The following HNRNPLL variants were observed in gnomAD, a reference collection of about 807,000 sequenced individuals.
The protein encoded by HNRNPLL is heterogeneous nuclear ribonucleoprotein L like.
Under a neutral mutation model 67.1 loss-of-function variants are expected in HNRNPLL, and 25 were observed. The observed-to-expected ratio is 0.37, with a 90% CI of 0.27 to 0.52. The LOEUF (loss-of-function observed/expected upper bound fraction) is 0.52. HNRNPLL is among the 20% of genes least tolerant of loss of function. The pLI is 0.90. For missense variants in HNRNPLL, 542 were observed against 673.9 expected (o/e 0.80, Z 2.17); for synonymous variants, 267 against 241.7 (o/e 1.10, Z -0.97).
chr2:38,577,282 CATT>C (rs969187619), intron 7 of HNRNPLL, among the ~76,000 whole-genome samples, 176 bp downstream of exon 7: 3 of 151,702 alleles, frequency 2.0e-5, no homozygotes, highest in African/African-American at 7.3e-5. Context: ...TTTTTTAAAT[CATT>C]ATCCTAAGAA....
chr2:38,569,589 G>A (rs1573722172), intron 9 of HNRNPLL, among the ~76,000 whole-genome samples: 2 of 152,026 alleles, frequency 1.3e-5, no homozygotes, highest in East Asian at 3.9e-4. Context: ...ATTTTAACAC[G>A]TTTTATCATC....
In HNRNPLL at chr2:38,569,229, A is replaced by G; in HGVS notation, c.1320T>C (p.Ser440=). 6.2e-7 allele frequency: 1 copy of G among 1,613,010 alleles called. No individual in the cohort carries two copies. The highest frequency in any genetic ancestry group is 8.5e-7 in the Non-Finnish European group (1 of 1,179,028). The stretch of plus-strand genomic sequence containing the variant: ...TTATATTCTTAGATGCTTGGCCAGC[A>G]CTTGTAAAGCGATTATTTTTGCTCA... ...FAMSKNNRFT[S]AGQASKNIIQ... is the part of the protein sequence containing the mutation. The change falls in exon 10 of 13, where the codon AGT becomes AGC. Residue 440 remains serine (S), a synonymous_variant. Coordinates refer to ENST00000449105, the MANE Select transcript of HNRNPLL (RefSeq NM_138394.4).
At chr2:38,599,652 C>T (rs1363537211) in intron 1 of HNRNPLL, among the ~76,000 whole-genome samples, 1 of 152,178 alleles carries the variant, frequency 6.6e-6, no homozygotes, top group African/African-American at 2.4e-5. Flanking sequence ...ACTCTTCTCT[C>T]ATTTCTCTTT....
intron 6 of HNRNPLL, 137 bp downstream of exon 6, chr2:38,581,776 T>G (rs1666536804): frequency 1.5e-6 from 1 of 662,122 alleles, no homozygotes; most frequent in Admixed American, 2.5e-5. Context: ...CAGCATTACA[T>G]GGCCTTTTGC....
chr2:38,594,472 A>G (rs1366280935), intron 1 of HNRNPLL, among the ~76,000 whole-genome samples: 1 of 152,168 alleles, frequency 6.6e-6, no homozygotes, highest in African/African-American at 2.4e-5. Flanking sequence ...AGTATAGGGG[A>G]AAAAAGTATG....
intron 6 of HNRNPLL, among the ~76,000 whole-genome samples, chr2:38,580,712 TG>T (rs1271291514): frequency 1.3e-5 from 2 of 152,240 alleles, no homozygotes; most frequent in East Asian, 3.8e-4. Flanking sequence ...CACAGTTAGT[TG>T]AACAATTTTA....
intron 8 of HNRNPLL, among the ~76,000 whole-genome samples, chr2:38,571,824 G>C (rs1666096005): frequency 6.6e-6 from 1 of 152,126 alleles, no homozygotes; most frequent in African/African-American, 2.4e-5. Context: ...GCAAGATGTA[G>C]AGTGAAAGGG....
At chr2:38,580,332 T>C (rs1470425696) in intron 6 of HNRNPLL, among the ~76,000 whole-genome samples, 1 of 152,116 alleles carries the variant, frequency 6.6e-6, no homozygotes. Flanking sequence ...AAACATGGGG[T>C]CTAGCCAAAG....
At chr2:38,577,220 G>C (rs1666331387) in intron 7 of HNRNPLL, among the ~76,000 whole-genome samples, 1 of 151,614 alleles carries the variant, frequency 6.6e-6, no homozygotes, top group African/African-American at 2.4e-5. Flanking sequence ...AAAATATAAT[G>C]GCAAAAAAGT....
chr2:38,575,779 T>C (rs1007481410), intron 7 of HNRNPLL, among the ~76,000 whole-genome samples: 3 of 151,876 alleles, frequency 2.0e-5, no homozygotes, highest in East Asian at 1.9e-4. Context: ...AAGGGATACA[T>C]TTGTGATTTG....
chr2:38,599,013 T>C (rs1667319530), intron 1 of HNRNPLL, among the ~76,000 whole-genome samples: 1 of 152,222 alleles, frequency 6.6e-6, no homozygotes, highest in Non-Finnish European at 1.5e-5. Context: ...GAGAGCTAAG[T>C]GACCTCATCC....
rs368718161 is a variant in HNRNPLL at position 38,600,937 on chromosome 2, CTGATT to C, written c.189+1496_189+1500del. Among the ~76,000 whole-genome samples, 407 of 152,266 alleles carry C rather than the reference CTGATT, an allele frequency of 2.7e-3. 3 individuals carry two copies. The highest frequency in any genetic ancestry group is 9.1e-3 in the African/African-American group (378 of 41,540). ...GTTTTCAAAAACAAATTTTTATAAT[CTGATT>C]TAAGTATCTTTCCAAAATGCCTGAA... On this transcript the variant is annotated intron_variant, in intron 1 of 12. Coordinates refer to ENST00000449105, the MANE Select transcript of HNRNPLL (RefSeq NM_138394.4).
At chr2:38,572,564 TCA>T (rs1403237869) in intron 8 of HNRNPLL, among the ~76,000 whole-genome samples, 1 of 152,106 alleles carries the variant, frequency 6.6e-6, no homozygotes, top group Non-Finnish European at 1.5e-5. Flanking sequence ...ACTATTTATC[TCA>T]CATTTGTGAG....
In HNRNPLL at chr2:38,602,697, G is replaced by A. The variant is rs1667502578; in HGVS notation, c.-71C>T. On this transcript the variant is annotated 5_prime_UTR_variant, in exon 1 of 13. Coordinates refer to ENST00000449105, the MANE Select transcript of HNRNPLL (RefSeq NM_138394.4). ...TGGGGCGCGCGCCTCGGATGCCGCC[G>A]GCCAGTCCTCGCCGCCGGCAGCGCC... is the stretch of plus-strand genomic sequence containing the variant. The A allele has an allele frequency of 3.5e-6, 5 of 1,435,070 alleles. No homozygotes were observed. Among genetic ancestry groups the A allele is most frequent in the Non-Finnish European group, 4.6e-6 (5 of 1,098,882 alleles). The allele number at this position is 1,435,070 out of a possible 1,614,324, so 88.9% of individuals were successfully genotyped here.
chr2:38,602,176 C>T (rs992149925), intron 1 of HNRNPLL: 3 of 484,434 alleles, frequency 6.2e-6, no homozygotes, highest in Admixed American at 4.5e-5. Flanking sequence ...CCGCCGCCGC[C>T]GCGCCGCGAC....
chr2:38,565,007 AAC>A (rs1201162389), intron 12 of HNRNPLL, among the ~76,000 whole-genome samples: 67 of 151,264 alleles, frequency 4.4e-4, no homozygotes, highest in African/African-American at 1.3e-3. Flanking sequence ...AAAAAAAAAA[AAC>A]AAACCAACTG....
chr2:38,574,884 T>TAC (rs1261748993), intron 7 of HNRNPLL, among the ~76,000 whole-genome samples: 2 of 151,870 alleles, frequency 1.3e-5, no homozygotes, highest in Admixed American at 6.6e-5. Flanking sequence ...TAGACTCTCA[T>TAC]ACACACACCA....
At chr2:38,588,102 G>A (rs1002847459) in intron 2 of HNRNPLL, among the ~76,000 whole-genome samples, 1 of 152,064 alleles carries the variant, frequency 6.6e-6, no homozygotes, top group Non-Finnish European at 1.5e-5. Flanking sequence ...GCAGAACCGT[G>A]AGCCGATTAA....
Position 38,596,856 on chromosome 2 carries a change from C to T in HNRNPLL, c.190-5208G>A, listed in dbSNP as rs77307680. On this transcript the variant is annotated intron_variant, in intron 1 of 12. Coordinates refer to ENST00000449105, the MANE Select transcript of HNRNPLL (RefSeq NM_138394.4). ...CCAGAAAAAGAAGGCATGCTTGCAA[C>T]ATACATGCACTTTACAAACTTACAT... Among the ~76,000 whole-genome samples, 994 of 152,230 alleles carry T rather than the reference C, an allele frequency of 6.5e-3. 11 individuals carry two copies. The highest frequency in any genetic ancestry group is 0.021 in the African/African-American group (877 of 41,524).
Sources: allele counts gnomAD v4.1 joint callset (sites outside exome capture counted in the v4.1 genomes callset), GRCh38; gene constraint gnomAD v4.1.1; transcripts MANE v1.5; gene names NCBI Gene and HGNC (gene_info 2026-07-23, HGNC 2026-07-21).